Variants in TENM4 observed in about 807,000 individuals in gnomAD.
The protein encoded by TENM4 is teneurin transmembrane protein 4, also known as teneurin-4.
In TENM4, 82 loss-of-function variants were observed where a neutral mutation model predicts 243.3. The ratio of observed to expected loss-of-function variants is 0.34; its 90% CI spans 0.28 to 0.40. The LOEUF (loss-of-function observed/expected upper bound fraction) is 0.40, where lower values mean the gene tolerates loss of function less well. Ranked by LOEUF, TENM4 falls within the 10% of genes least tolerant of loss-of-function variation. The pLI is 1.00. For synonymous variants in TENM4, 1,412 were observed against 1,456.3 expected (o/e 0.97, Z 0.69); for missense variants, 3,138 against 3,673.3 (o/e 0.85, Z 3.77).
Position 78,690,864 on chromosome 11 carries a change from C to T in TENM4, c.5088-2638G>A, listed in dbSNP as rs535652124. The stretch of plus-strand genomic sequence containing the variant: ...GGCTGACTCTTTGAACACCTGTAAT[C>T]CCTGTACATACTCTTTATTAAAATA... On this transcript the variant is annotated intron_variant, in intron 28 of 33. Transcript: ENST00000278550. Among the ~76,000 whole-genome samples, 27 of 152,274 alleles carry T rather than the reference C, an allele frequency of 1.8e-4. No homozygotes were observed. The South Asian group carries it at 3.1e-3, about 18-fold the overall frequency.
At chr11:78,729,013 C>T (rs1855587476) in intron 22 of TENM4, among the ~76,000 whole-genome samples, 1 of 152,008 alleles carries the variant, frequency 6.6e-6, no homozygotes, top group African/African-American at 2.4e-5. Flanking sequence ...TGAAAGAAAC[C>T]ATTTTTTAGC....
At chr11:79,048,959 A>G in intron 6 of TENM4, among the ~76,000 whole-genome samples, 1 of 152,176 alleles carries the variant, frequency 6.6e-6, no homozygotes. Context: ...CAGTTGCTCA[A>G]GCAGAGCTGG....
intron 3 of TENM4, among the ~76,000 whole-genome samples, chr11:79,189,976 C>A (rs938255906): frequency 1.3e-5 from 2 of 152,192 alleles, no homozygotes; most frequent in Non-Finnish European, 2.9e-5. Context: ...GTTGCTTTTC[C>A]ACATGTAGCA....
intron 1 of TENM4, among the ~76,000 whole-genome samples, chr11:79,406,056 C>A (rs1317344815): frequency 1.3e-5 from 2 of 152,108 alleles, no homozygotes; most frequent in Non-Finnish European, 2.9e-5. Flanking sequence ...CAGCCTTAAC[C>A]ACCGCACCAG....
At chr11:79,399,353 T>G (rs908494605) in intron 1 of TENM4, among the ~76,000 whole-genome samples, 8 of 152,196 alleles carry the variant, frequency 5.3e-5, no homozygotes, top group African/African-American at 1.9e-4. Flanking sequence ...TTCTTCTTAT[T>G]TGAAATGCTT....
At chr11:78,863,566 T>C (rs888321957) in intron 9 of TENM4, among the ~76,000 whole-genome samples, 1 of 152,172 alleles carries the variant, frequency 6.6e-6, no homozygotes, top group South Asian at 2.1e-4. Context: ...GAAATACAAA[T>C]AGCCCATAAT....
At chr11:78,770,034 T>C (rs900924139) in intron 18 of TENM4, among the ~76,000 whole-genome samples, 2 of 152,216 alleles carry the variant, frequency 1.3e-5, no homozygotes, top group African/African-American at 4.8e-5. Flanking sequence ...TTGGTATAAA[T>C]ATTAGGGAGC....
intron 15 of TENM4, among the ~76,000 whole-genome samples, chr11:78,801,253 G>A (rs1211116966): frequency 6.6e-6 from 1 of 152,124 alleles, no homozygotes; most frequent in African/African-American, 2.4e-5. Flanking sequence ...CTGTTTAACA[G>A]CAACAGCAGT....
chr11:78,758,792 A>C (rs1390549961), intron 18 of TENM4, among the ~76,000 whole-genome samples: 1 of 152,182 alleles, frequency 6.6e-6, no homozygotes, highest in African/African-American at 2.4e-5. Flanking sequence ...GCAGATAGTG[A>C]TAAAGAGTAT....
At chr11:78,803,332 C>A (rs1857321375) in intron 15 of TENM4, among the ~76,000 whole-genome samples, 1 of 152,150 alleles carries the variant, frequency 6.6e-6, no homozygotes, top group Non-Finnish European at 1.5e-5. Context: ...CCCAGCCTTT[C>A]ATTTTCTTAA....
chr11:79,052,413 T>C (rs1457235444), intron 6 of TENM4, among the ~76,000 whole-genome samples: 2 of 152,234 alleles, frequency 1.3e-5, no homozygotes, highest in African/African-American at 4.8e-5. Flanking sequence ...TGGCCGCATG[T>C]ATATCTTCTT....
chr11:79,236,404 C>T (rs143875856), intron 2 of TENM4, among the ~76,000 whole-genome samples: 13 of 152,276 alleles, frequency 8.5e-5, no homozygotes, highest in African/African-American at 2.6e-4. Flanking sequence ...TACGCTGATG[C>T]CCTTTGTGAC....
In TENM4 at chr11:79,433,033, T is replaced by C. The variant is rs149530788; in HGVS notation, c.-321+7476A>G. ...ACTGATGCTGCCCCTCTGCACTTTA[T>C]TTCCACTGTTTGTGGAAATAAAGAT... On this transcript the variant is annotated intron_variant, in intron 1 of 33. Coordinates refer to ENST00000278550, the MANE Select transcript of TENM4 (RefSeq NM_001098816.3). Among the ~76,000 whole-genome samples, 647 of 152,338 alleles carry C rather than the reference T, an allele frequency of 4.2e-3. 2 individuals are homozygous for C. The highest frequency in any genetic ancestry group is 0.014 in the African/African-American group (598 of 41,576).
intron 28 of TENM4, among the ~76,000 whole-genome samples, chr11:78,698,423 C>CCAACCAACCAACCAAA (rs1555066528): frequency 5.0e-4 from 76 of 152,120 alleles, no homozygotes; most frequent in Non-Finnish European, 9.6e-4. Flanking sequence ...AACCAACCAA[C>CCAACCAACCAACCAAA]CAAACAAACA....
At chr11:79,075,104 T>C in intron 4 of TENM4, among the ~76,000 whole-genome samples, 1 of 152,240 alleles carries the variant, frequency 6.6e-6, no homozygotes, top group Admixed American at 6.5e-5. Flanking sequence ...GAACTAATAA[T>C]AACACCAGCC....
At chr11:78,831,424 A>G (rs1324523811) in intron 12 of TENM4, among the ~76,000 whole-genome samples, 1 of 152,078 alleles carries the variant, frequency 6.6e-6, no homozygotes, top group East Asian at 1.9e-4. Context: ...TCTGCCCTCT[A>G]CTCTCACAGT....
At chr11:79,075,573 C>A (rs146352930) in intron 4 of TENM4, among the ~76,000 whole-genome samples, 16 of 152,204 alleles carry the variant, frequency 1.1e-4, no homozygotes, top group Admixed American at 2.6e-4. Context: ...AAACCTAGAC[C>A]AAATTAGGCA....
At chr11:79,322,476 G>T (rs1414021001) in intron 1 of TENM4, among the ~76,000 whole-genome samples, 4 of 152,158 alleles carry the variant, frequency 2.6e-5, no homozygotes, top group African/African-American at 7.2e-5. Context: ...GGCTCCTTTA[G>T]TATAGGATGT....
intron 2 of TENM4, among the ~76,000 whole-genome samples, chr11:79,240,688 T>C (rs1052836242): frequency 3.3e-5 from 5 of 152,212 alleles, no homozygotes; most frequent in Non-Finnish European, 7.3e-5. Flanking sequence ...ATGGGAATCT[T>C]ATGTTTTTTG....
Sources: allele counts gnomAD v4.1 joint callset (sites outside exome capture counted in the v4.1 genomes callset), GRCh38; gene constraint gnomAD v4.1.1; transcripts MANE v1.5; gene names NCBI Gene and HGNC (gene_info 2026-07-23, HGNC 2026-07-21).